ADAMTSL1: variants seen among roughly 807,000 people sequenced by gnomAD.
The protein encoded by ADAMTSL1 is ADAMTS like 1.
A neutral mutation model predicts 201.8 loss-of-function variants in ADAMTSL1; 126 were observed. The observed-to-expected ratio is 0.62, with a 90% CI of 0.54 to 0.72. ADAMTSL1 has a LOEUF of 0.72. ADAMTSL1 is among the 30% of genes least tolerant of loss of function. ADAMTSL1 has a pLI of 0.00. For missense variants in ADAMTSL1, 2,679 were observed against 2,277.8 expected (o/e 1.18, Z -3.59); for synonymous variants, 1,121 against 903.4 (o/e 1.24, Z -4.32).
intron 1 of ADAMTSL1, among the ~76,000 whole-genome samples, chr9:17,946,056 G>T (rs1193554585): frequency 8.4e-6 from 1 of 119,448 alleles, no homozygotes; most frequent in African/African-American, 3.2e-5. Flanking sequence ...CTCATGATGT[G>T]TATGTGTGTG....
chr9:18,409,939 T>A (rs904646087), intron 2 of ADAMTSL1, among the ~76,000 whole-genome samples: 16 of 151,472 alleles, frequency 1.1e-4, no homozygotes, highest in Non-Finnish European at 1.8e-4. Flanking sequence ...CTCTTCAAAC[T>A]ATACAGCTAG....
intron 1 of ADAMTSL1, among the ~76,000 whole-genome samples, chr9:17,941,943 G>A (rs1827255529): frequency 6.6e-6 from 1 of 152,064 alleles, no homozygotes; most frequent in African/African-American, 2.4e-5. Context: ...CCTTTTATAA[G>A]GACAGGCTAA....
At chr9:17,922,660 G>C (rs1435459846) in intron 1 of ADAMTSL1, among the ~76,000 whole-genome samples, 1 of 152,148 alleles carries the variant, frequency 6.6e-6, no homozygotes, top group Non-Finnish European at 1.5e-5. Context: ...AGAAAGTTGA[G>C]TTGACTTGTC....
chr9:18,370,814 C>T (rs1837012007), intron 2 of ADAMTSL1, among the ~76,000 whole-genome samples: 1 of 151,640 alleles, frequency 6.6e-6, no homozygotes, highest in African/African-American at 2.4e-5. Flanking sequence ...TGATATTACC[C>T]TTGCTTTTTT....
intron 16 of ADAMTSL1, among the ~76,000 whole-genome samples, chr9:18,757,060 A>C (rs1237358295): frequency 6.6e-6 from 1 of 152,200 alleles, no homozygotes; most frequent in African/African-American, 2.4e-5. Context: ...AATGAAACAG[A>C]AATCTAATTC....
At chr9:18,817,372 C>T (rs769703918) in intron 21 of ADAMTSL1, 135 bp downstream of exon 21, 77 of 861,112 alleles carry the variant, frequency 8.9e-5, no homozygotes, top group African/African-American at 1.9e-4. Flanking sequence ...GAACCTCAGT[C>T]GCTCTGAAAG....
chr9:18,664,024 A>G (rs934623827), intron 9 of ADAMTSL1, among the ~76,000 whole-genome samples: 1 of 152,158 alleles, frequency 6.6e-6, no homozygotes, highest in Admixed American at 6.6e-5. Flanking sequence ...TATGTAAAAA[A>G]GAAAGACACA....
intron 2 of ADAMTSL1, among the ~76,000 whole-genome samples, chr9:18,295,313 A>C (rs1427028470): frequency 6.6e-6 from 1 of 151,946 alleles, no homozygotes; most frequent in East Asian, 1.9e-4. Flanking sequence ...ATAGAATTCA[A>C]GGATGGAGAT....
intron 1 of ADAMTSL1, among the ~76,000 whole-genome samples, chr9:18,128,049 G>A (rs1825808707): frequency 6.6e-6 from 1 of 152,144 alleles, no homozygotes; most frequent in Non-Finnish European, 1.5e-5. Flanking sequence ...TCAGTTTTAT[G>A]TAAATTTTTG....
At chr9:18,738,805 A>G (rs1818661471) in intron 15 of ADAMTSL1, among the ~76,000 whole-genome samples, 1 of 152,232 alleles carries the variant, frequency 6.6e-6, no homozygotes, top group Non-Finnish European at 1.5e-5. Flanking sequence ...AATAGCAGTA[A>G]TTCCAAGCAT....
chr9:17,919,315 A>T (rs1371207800), intron 1 of ADAMTSL1, among the ~76,000 whole-genome samples: 1 of 151,776 alleles, frequency 6.6e-6, no homozygotes, highest in East Asian at 1.9e-4. Flanking sequence ...CAATTTATGC[A>T]TTTAAAGTAC....
intron 2 of ADAMTSL1, among the ~76,000 whole-genome samples, chr9:18,198,837 CAGCAA>C (rs1410029407): frequency 7.8e-6 from 1 of 128,702 alleles, no homozygotes; most frequent in African/African-American, 2.9e-5. Flanking sequence ...TTATTCACAA[CAGCAA>C]AGACTTGGAA....
At chr9:18,510,627 C>T (rs1305855228) in intron 2 of ADAMTSL1, among the ~76,000 whole-genome samples, 2 of 152,016 alleles carry the variant, frequency 1.3e-5, no homozygotes, top group Non-Finnish European at 2.9e-5. Flanking sequence ...CAAAGAAAGA[C>T]ACTGTATAAA....
At chr9:18,036,137 A>G (rs1281053504) in intron 1 of ADAMTSL1, among the ~76,000 whole-genome samples, 1 of 152,152 alleles carries the variant, frequency 6.6e-6, no homozygotes, top group Non-Finnish European at 1.5e-5. Context: ...TGGCCAAGTA[A>G]AGAATGACAG....
intron 2 of ADAMTSL1, among the ~76,000 whole-genome samples, chr9:18,256,913 C>G (rs1018014539): frequency 6.6e-6 from 1 of 152,128 alleles, no homozygotes; most frequent in African/African-American, 2.4e-5. Flanking sequence ...TGACTTTTAC[C>G]CCTCTTCTGT....
chr9:17,953,981 T>C (rs1353984982), intron 1 of ADAMTSL1, among the ~76,000 whole-genome samples: 1 of 152,192 alleles, frequency 6.6e-6, no homozygotes, highest in Non-Finnish European at 1.5e-5. Context: ...TTAATTTTTT[T>C]CTACATCACG....
intron 2 of ADAMTSL1, among the ~76,000 whole-genome samples, chr9:18,530,846 G>C (rs1384134405): frequency 2.0e-5 from 3 of 152,166 alleles, no homozygotes; most frequent in Non-Finnish European, 4.4e-5. Context: ...CTAGAAAGCA[G>C]AGCCTATTTT....
intron 16 of ADAMTSL1, among the ~76,000 whole-genome samples, chr9:18,765,883 A>C (rs760310931): frequency 2.0e-5 from 3 of 152,200 alleles, no homozygotes; most frequent in Non-Finnish European, 4.4e-5. Flanking sequence ...TACTCTAGGT[A>C]GGAAGGTTAG....
At chr9:18,243,284 C>T (rs1335651857) in intron 2 of ADAMTSL1, among the ~76,000 whole-genome samples, 1 of 152,100 alleles carries the variant, frequency 6.6e-6, no homozygotes, top group Non-Finnish European at 1.5e-5. Flanking sequence ...CATTCCTTCT[C>T]TCTTGTAATT....
Sources: gnomAD v4.1 joint callset for allele counts (sites outside exome capture counted in the v4.1 genomes callset) on GRCh38, gnomAD v4.1.1 for gene constraint, MANE v1.5 for transcripts, NCBI Gene and HGNC (gene_info 2026-07-23, HGNC 2026-07-21) for gene names.